Variants in EVC2 observed in about 807,000 individuals in gnomAD.
EVC2 encodes the protein EvC ciliary complex subunit 2, also known as limbin.
EVC2 carries 148 observed loss-of-function variants against 149.3 expected under a neutral mutation model. The ratio of observed to expected loss-of-function variants is 0.99; its 90% CI spans 0.87 to 1.14. The LOEUF (loss-of-function observed/expected upper bound fraction) is 1.14, where lower values mean the gene tolerates loss of function less well. EVC2 is among the 50% of genes most tolerant of loss of function. The pLI, the probability that EVC2 is intolerant of heterozygous loss-of-function variation, is 0.00. For synonymous variants in EVC2, 776 were observed against 649.9 expected (o/e 1.19, Z -2.95); for missense variants, 1,854 against 1,627.3 (o/e 1.14, Z -2.40).
Position 5,582,994 on chromosome 4 carries a change from C to T in EVC2, c.3057+1629G>A, listed in dbSNP as rs535176983. Among the ~76,000 whole-genome samples, 3 of 152,236 alleles carry T rather than the reference C, an allele frequency of 2.0e-5. No individual in the cohort carries two copies. The East Asian group carries it at 5.8e-4, about 29-fold the overall frequency. On this transcript the variant is annotated intron_variant, in intron 17 of 21. Coordinates refer to ENST00000344408, the MANE Select transcript of EVC2 (RefSeq NM_147127.5). The stretch of plus-strand genomic sequence containing the variant: ...CAGATGCATCAGGCTTCCTGTATAG[C>T]CTGTGGAACCATGAGCCAATTAAAC...
At chr4:5,557,083 A>G (rs1721853264) in intron 21 of EVC2, among the ~76,000 whole-genome samples, 1 of 152,154 alleles carries the variant, frequency 6.6e-6, no homozygotes, top group Non-Finnish European at 1.5e-5. Flanking sequence ...CAGGACCAGT[A>G]TAACTGTAAT....
intron 7 of EVC2, among the ~76,000 whole-genome samples, chr4:5,667,581 T>C (rs955879527): frequency 5.9e-5 from 9 of 152,146 alleles, no homozygotes; most frequent in Non-Finnish European, 5.9e-5. Flanking sequence ...GTATGGTTTA[T>C]TACAGCAAAA....
chr4:5,591,294 C>G (rs1455163881), intron 16 of EVC2, among the ~76,000 whole-genome samples: 1 of 152,202 alleles, frequency 6.6e-6, no homozygotes. Flanking sequence ...TGCTTCCTAG[C>G]CCGTCAGAAG....
At position 5,640,400 on chromosome 4, in the gene EVC2, GGATGATGGGTA is replaced by G; in HGVS notation, c.1470+103_1470+113del. 1 of 1,224,322 alleles carries G rather than the reference GGATGATGGGTA, an allele frequency of 8.2e-7. No homozygotes were observed. Among genetic ancestry groups the G allele is most frequent in the Non-Finnish European group, 1.2e-6 (1 of 828,098 alleles). 75.8% of individuals were successfully genotyped at this position (1,224,322 alleles called of 1,614,324 possible). The stretch of plus-strand genomic sequence containing the variant: ...TAGATGAATGAGTGGGTGGTTGGAT[GGATGATGGGTA>G]GACGGATGGAGGAGGCAAATGGACA... On this transcript the variant is annotated intron_variant, in intron 10 of 21. Transcript: ENST00000344408. The surrounding 1 kb of genome is among the most constrained non-coding windows in gnomAD (Gnocchi z 4.6).
At position 5,694,432 on chromosome 4, in the gene EVC2, G is replaced by A. The variant is rs778239021; in HGVS notation, c.353C>T (p.Ala118Val). Residue 118 changes from alanine (A) to valine (V), a missense_variant, in exon 3 of 22, where the codon GCC (alanine) becomes GTC (valine). By Grantham distance (64) the Ala-to-Val change is moderately conservative (BLOSUM62 0). Coordinates refer to ENST00000344408, the MANE Select transcript of EVC2 (RefSeq NM_147127.5). ...EVFIPLSTSA[A>V]SSGPWAHSLF... ...GGAATGAGCCCATGGCCCACTAGAG[G>A]CTGCAGAAGTTGAGAGTGGGATGAA... is the stretch of plus-strand genomic sequence containing the variant. The A allele has an allele frequency of 1.9e-6, 3 of 1,614,078 alleles. No individual in the cohort carries two copies. The East Asian group carries it at 6.7e-5, about 36-fold the overall frequency.
chr4:5,671,306 C>A (rs558392578), intron 7 of EVC2, among the ~76,000 whole-genome samples: 1 of 152,168 alleles, frequency 6.6e-6, no homozygotes, highest in Non-Finnish European at 1.5e-5. Flanking sequence ...AGCCCTGCAT[C>A]GAGCCATCAA....
chr4:5,557,281 T>A (rs534806130), intron 21 of EVC2, among the ~76,000 whole-genome samples: 8 of 152,158 alleles, frequency 5.3e-5, no homozygotes, highest in Non-Finnish European at 1.2e-4. Context: ...TCTGAAATCA[T>A]TTAATGGAAT....
intron 21 of EVC2, among the ~76,000 whole-genome samples, chr4:5,557,141 T>A (rs1721853998): frequency 6.6e-6 from 1 of 152,104 alleles, no homozygotes; most frequent in Non-Finnish European, 1.5e-5. Flanking sequence ...TAGAGACCTA[T>A]ATCTCACATG....
chr4:5,549,140 A>G (rs1285042793), intron 21 of EVC2, among the ~76,000 whole-genome samples: 2 of 152,220 alleles, frequency 1.3e-5, no homozygotes, highest in African/African-American at 2.4e-5. Context: ...AATAGCAACA[A>G]TAAAACTAAC....
intron 1 of EVC2, among the ~76,000 whole-genome samples, chr4:5,706,405 G>GACAGATACAT (rs1722178301): frequency 8.8e-5 from 4 of 45,344 alleles, no homozygotes; most frequent in African/African-American, 7.0e-4. Context: ...TAGATAGATA[G>GACAGATACAT]ATAGATACAT....
At chr4:5,690,007 G>T (rs575671962) in intron 4 of EVC2, among the ~76,000 whole-genome samples, 1 of 152,356 alleles carries the variant, frequency 6.6e-6, no homozygotes, top group African/African-American at 2.4e-5. Flanking sequence ...CAATGTGTGT[G>T]CTGAGATGAG....
At chr4:5,532,599 G>A in the EVC2 span, among the ~76,000 whole-genome samples, 1 of 152,142 alleles carries the variant, frequency 6.6e-6, no homozygotes, top group African/African-American at 2.4e-5. Context: ...CTGCCAGCAA[G>A]CCGGGGTCAG....
chr4:5,690,066 G>A (rs1178069232), intron 4 of EVC2, among the ~76,000 whole-genome samples: 9 of 152,230 alleles, frequency 5.9e-5, no homozygotes, highest in African/African-American at 2.4e-5. Context: ...AGAACTGTGT[G>A]TGTAATATAC....
intron 16 of EVC2, among the ~76,000 whole-genome samples, chr4:5,585,085 C>G (rs1442165607): frequency 6.6e-6 from 1 of 152,124 alleles, no homozygotes; most frequent in Non-Finnish European, 1.5e-5. Context: ...GTATCATCCT[C>G]AAGAGTCACC....
chr4:5,664,134 T>C lies in EVC2; in HGVS notation c.1006-888A>G, dbSNP rs568988448. Among the ~76,000 whole-genome samples the C allele has an allele frequency of 3.9e-5, 6 of 152,322 alleles. No homozygotes were observed. In the South Asian group the frequency reaches 1.2e-3, roughly 32 times the overall value. ...TGCTTTCTTTGTGTTATCATGAAGC[T>C]GTTACAACAACGCAGTGTTGGTGCC... On this transcript the variant is annotated intron_variant, in intron 8 of 21. Coordinates refer to ENST00000344408, the MANE Select transcript of EVC2 (RefSeq NM_147127.5).
At chr4:5,650,624 TATATATATATATATAGAGAGAGAGAG>T (rs1437979369) in intron 9 of EVC2, among the ~76,000 whole-genome samples, 4 of 84,658 alleles carry the variant, frequency 4.7e-5, no homozygotes, top group African/African-American at 1.7e-4. Context: ...TATATATATA[TATATATATATATATAGAGAGAGAGAG>T]AGAGAGAGAG....
chr4:5,662,473 T>C (rs1002645508), intron 9 of EVC2, among the ~76,000 whole-genome samples: 14 of 142,742 alleles, frequency 9.8e-5, no homozygotes, highest in Non-Finnish European at 1.5e-4. Flanking sequence ...ATTATTAATA[T>C]AATATTAAAT....
At chr4:5,635,662 G>T (rs1011039268) in intron 10 of EVC2, among the ~76,000 whole-genome samples, 1 of 152,174 alleles carries the variant, frequency 6.6e-6, no homozygotes, top group Non-Finnish European at 1.5e-5. Flanking sequence ...AGAAAGACAG[G>T]CAAATTGTGA....
intron 21 of EVC2, among the ~76,000 whole-genome samples, chr4:5,548,853 C>T (rs1017966996): frequency 6.6e-6 from 1 of 152,094 alleles, no homozygotes; most frequent in Non-Finnish European, 1.5e-5. Context: ...CTGTAGATGA[C>T]CCTCCAGGGA....
Sources: gnomAD v4.1 joint callset for allele counts (sites outside exome capture counted in the v4.1 genomes callset) on GRCh38, gnomAD v4.1.1 for gene constraint, Gnocchi (gnomAD v3.1) non-coding constraint, MANE v1.5 for transcripts, NCBI Gene and HGNC (gene_info 2026-07-23, HGNC 2026-07-21) for gene names.